The following FUT8 variants were observed in gnomAD, a reference collection of about 807,000 sequenced individuals.
The protein encoded by FUT8 is fucosyltransferase 8.
A neutral mutation model predicts 71.3 loss-of-function variants in FUT8; 29 were observed. The observed-to-expected ratio is 0.41, with a 90% CI of 0.30 to 0.55. FUT8 has a LOEUF of 0.55. Ranked by LOEUF, FUT8 falls within the 20% of genes least tolerant of loss-of-function variation. The probability of loss-of-function intolerance (pLI) is 0.34; values close to 1 mark genes in which losing one functional copy is unlikely to be tolerated. For missense variants in FUT8, 544 were observed against 702.1 expected (o/e 0.77, Z 2.55); for synonymous variants, 254 against 239.3 (o/e 1.06, Z -0.57).
At chr14:65,455,312 G>A (rs768708304) in intron 1 of FUT8, among the ~76,000 whole-genome samples, 23 of 152,134 alleles carry the variant, frequency 1.5e-4, no homozygotes, top group Non-Finnish European at 3.1e-4. Context: ...TATGTTAAAA[G>A]ATAGACAAAG....
intron 3 of FUT8, among the ~76,000 whole-genome samples, chr14:65,567,175 T>C (rs1297242688): frequency 6.6e-6 from 1 of 151,950 alleles, no homozygotes; most frequent in Admixed American, 6.6e-5. Flanking sequence ...TAATAGTTTT[T>C]TTGTTTATTT....
intron 7 of FUT8, among the ~76,000 whole-genome samples, chr14:65,683,617 ATAAT>A (rs754049903): frequency 1.3e-5 from 2 of 152,218 alleles, no homozygotes; most frequent in Admixed American, 6.5e-5. Context: ...TTCTGCCAAC[ATAAT>A]TAAGAATATT....
intron 2 of FUT8, chr14:65,529,395 C>G (rs113143568): frequency 1.3e-5 from 2 of 152,376 alleles, no homozygotes; most frequent in East Asian, 3.9e-4. Context: ...CCACACCCTG[C>G]TAATAGTTTT....
the FUT8 span, among the ~76,000 whole-genome samples, chr14:65,392,532 A>G: frequency 6.6e-6 from 1 of 152,048 alleles, no homozygotes; most frequent in African/African-American, 2.4e-5. Flanking sequence ...CCAGTGCAGC[A>G]AGTAGGTAGT....
intron 2 of FUT8, among the ~76,000 whole-genome samples, chr14:65,460,366 T>C (rs4902395): frequency 0.98 from 149,858 of 152,308 alleles, 73,787 homozygotes; most frequent in Middle Eastern, 1. Context: ...TAAGATAATC[T>C]CTCTAGGGAA....
intron 7 of FUT8, among the ~76,000 whole-genome samples, chr14:65,718,399 A>G (rs1346109802): frequency 6.6e-6 from 1 of 152,118 alleles, no homozygotes; most frequent in Non-Finnish European, 1.5e-5. Context: ...ACTTTCTGTT[A>G]TTTCTATTTA....
Position 65,704,441 on chromosome 14 carries a change from C to T in FUT8, c.836-17334C>T, listed in dbSNP as rs1341368546. On this transcript the variant is annotated intron_variant, in intron 7 of 10. Transcript: ENST00000673929. ...CCTTGCCTTCCTACTGCTTTCTGTT[C>T]CTATATTCTTGTTTCTTGCCAATGA... 4.0e-5 allele frequency among the ~76,000 whole-genome samples: 6 copies of T among 151,720 alleles called. No homozygotes were observed. In the South Asian group the frequency reaches 8.7e-4, roughly 22 times the overall value.
intron 2 of FUT8, among the ~76,000 whole-genome samples, chr14:65,486,591 A>C (rs2066412376): frequency 6.6e-6 from 1 of 152,236 alleles, no homozygotes; most frequent in Non-Finnish European, 1.5e-5. Context: ...GCTCAGAAGA[A>C]TGCATTTGTT....
chr14:65,710,837 A>C (rs1250488606), intron 7 of FUT8, among the ~76,000 whole-genome samples: 1 of 152,236 alleles, frequency 6.6e-6, no homozygotes, highest in Non-Finnish European at 1.5e-5. Flanking sequence ...CTGTGTAAGA[A>C]GTATGGTGCC....
At chr14:65,726,666 A>G (rs1044295613) in intron 9 of FUT8, among the ~76,000 whole-genome samples, 1 of 152,160 alleles carries the variant, frequency 6.6e-6, no homozygotes, top group Non-Finnish European at 1.5e-5. Context: ...AAACCATATC[A>G]TTCCACCCCT....
At chr14:65,711,470 G>C (rs1229627438) in intron 7 of FUT8, among the ~76,000 whole-genome samples, 1 of 151,830 alleles carries the variant, frequency 6.6e-6, no homozygotes, top group Non-Finnish European at 1.5e-5. Context: ...ATGAGACTAG[G>C]GTTTTCCTTC....
intron 3 of FUT8, among the ~76,000 whole-genome samples, chr14:65,611,270 CACACACACACACACACACACACACACA>C (rs1888960260): frequency 1.4e-5 from 1 of 69,414 alleles, no homozygotes; most frequent in Non-Finnish European, 2.6e-5. Context: ...CACACACACA[CACACACACACACACACACACACACACA>C]CACACCCCCC....
intron 6 of FUT8, among the ~76,000 whole-genome samples, chr14:65,633,037 CCT>C (rs1450180239): frequency 6.7e-6 from 1 of 149,708 alleles, no homozygotes; most frequent in Non-Finnish European, 1.5e-5. Flanking sequence ...TCTCCCTCTC[CCT>C]CTCTTTCCAC....
At position 65,591,989 on chromosome 14, in the gene FUT8, T is replaced by TA. The variant is rs1008083201; in HGVS notation, c.204-23981dup. Among the ~76,000 whole-genome samples the TA allele has an allele frequency of 7.2e-5, 11 of 151,914 alleles. No individual in the cohort carries two copies. In the South Asian group the frequency reaches 8.3e-4, roughly 11 times the overall value. On this transcript the variant is annotated intron_variant, in intron 3 of 10. Transcript: ENST00000673929. ...CATGTAAACTCTATTGCAAGATACT[T>TA]AAAAAAAACTGGGAATAAACAAAAG...
At chr14:65,371,464 A>G in the FUT8 span, among the ~76,000 whole-genome samples, 3 of 152,252 alleles carry the variant, frequency 2.0e-5, no homozygotes, top group Admixed American at 2.0e-4. Flanking sequence ...CCTTCAGTCT[A>G]GAAGAATTAA....
chr14:65,618,010 C>CATATAT (rs149450437), intron 5 of FUT8, among the ~76,000 whole-genome samples: 133 of 86,924 alleles, frequency 1.5e-3, no homozygotes, highest in Admixed American at 2.2e-3. Flanking sequence ...AAAATTAATT[C>CATATAT]ATATATATAT....
chr14:65,522,586 A>C (rs1178015651), intron 2 of FUT8, among the ~76,000 whole-genome samples: 1 of 152,172 alleles, frequency 6.6e-6, no homozygotes, highest in African/African-American at 2.4e-5. Flanking sequence ...TTTTTTAAAA[A>C]TTATACTTTA....
At chr14:65,620,990 C>T (rs574949248) in intron 5 of FUT8, among the ~76,000 whole-genome samples, 33 of 152,164 alleles carry the variant, frequency 2.2e-4, no homozygotes, top group African/African-American at 7.7e-4. Context: ...ACAGTGTCTC[C>T]TAAAATAAAG....
intron 6 of FUT8, among the ~76,000 whole-genome samples, chr14:65,630,556 A>T (rs1196877462): frequency 6.6e-6 from 1 of 152,210 alleles, no homozygotes; most frequent in Non-Finnish European, 1.5e-5. Context: ...GAACTTGATT[A>T]TTTGAAGAGA....
Sources: gnomAD v4.1 joint callset for allele counts (sites outside exome capture counted in the v4.1 genomes callset) on GRCh38, gnomAD v4.1.1 for gene constraint, MANE v1.5 for transcripts, NCBI Gene and HGNC (gene_info 2026-07-23, HGNC 2026-07-21) for gene names.